AUTS2: variants seen among roughly 807,000 people sequenced by gnomAD.
The protein encoded by AUTS2 is autism susceptibility gene 2 protein.
Under a neutral mutation model 112.4 loss-of-function variants are expected in AUTS2, and 17 were observed. That is an observed-to-expected ratio of 0.15 (90% confidence interval 0.10 to 0.23). AUTS2 has a LOEUF of 0.23. Among genes scored for constraint, AUTS2 ranks in the 10% least tolerant of loss-of-function variants. The pLI, the probability that AUTS2 is intolerant of heterozygous loss-of-function variation, is 1.00. For synonymous variants in AUTS2, 751 were observed against 702.7 expected (o/e 1.07, Z -1.09); for missense variants, 1,510 against 1,701.6 (o/e 0.89, Z 1.98).
chr7:70,660,082 C>T (rs1308492323), intron 5 of AUTS2, among the ~76,000 whole-genome samples: 1 of 151,728 alleles, frequency 6.6e-6, no homozygotes, highest in East Asian at 1.9e-4. Flanking sequence ...GAGGCTGAGG[C>T]AGGAGAATCA....
At chr7:70,178,353 G>A (rs1182857658) in intron 4 of AUTS2, among the ~76,000 whole-genome samples, 2 of 151,918 alleles carry the variant, frequency 1.3e-5, no homozygotes, top group East Asian at 1.9e-4. Context: ...GACACAGAGG[G>A]TTGGTTCTCT....
intron 1 of AUTS2, among the ~76,000 whole-genome samples, chr7:69,883,194 A>G (rs921012079): frequency 2.0e-5 from 3 of 151,940 alleles, no homozygotes; most frequent in African/African-American, 4.8e-5. Context: ...TGAAGCTTCT[A>G]TGGTGGGAAG....
At chr7:70,139,159 G>A (rs1806721210) in intron 4 of AUTS2, among the ~76,000 whole-genome samples, 1 of 152,064 alleles carries the variant, frequency 6.6e-6, no homozygotes, top group Admixed American at 6.6e-5. Context: ...TAGAGATGGG[G>A]CTCTACCGTG....
At chr7:70,192,911 C>A (rs528978279) in intron 4 of AUTS2, among the ~76,000 whole-genome samples, 1 of 152,222 alleles carries the variant, frequency 6.6e-6, no homozygotes, top group East Asian at 1.9e-4. Flanking sequence ...TATCTTACTT[C>A]TGTGTGAGTT....
At chr7:69,646,073 T>C (rs1294354006) in intron 1 of AUTS2, among the ~76,000 whole-genome samples, 4 of 151,812 alleles carry the variant, frequency 2.6e-5, no homozygotes, top group African/African-American at 7.3e-5. Context: ...GTATGTTGTT[T>C]ATACTGTTGT....
intron 2 of AUTS2, among the ~76,000 whole-genome samples, chr7:69,914,471 T>G (rs1795492455): frequency 6.6e-6 from 1 of 151,446 alleles, no homozygotes; most frequent in Non-Finnish European, 1.5e-5. Flanking sequence ...AAGATACTGA[T>G]GAGCGCATGC....
chr7:69,863,092 C>G (rs1793065750), intron 1 of AUTS2, among the ~76,000 whole-genome samples: 1 of 152,062 alleles, frequency 6.6e-6, no homozygotes, highest in Non-Finnish European at 1.5e-5. Flanking sequence ...ATAGGGTGTA[C>G]ATTCTTACAT....
Position 69,876,520 on chromosome 7 carries a change from A to G in AUTS2, c.310-22766A>G, listed in dbSNP as rs1428576504. Among the ~76,000 whole-genome samples the G allele has an allele frequency of 2.6e-3, 152 of 57,388 alleles. 12 individuals are homozygous for G. Among genetic ancestry groups the G allele is most frequent in the Non-Finnish European group, 2.8e-3 (89 of 32,030 alleles). The allele number at this position is 57,388 out of a possible 152,430, so 37.6% of individuals were successfully genotyped here. A position where few individuals can be genotyped will look rare whatever the true frequency, so the allele number is the denominator to read the frequency against. On this transcript the variant is annotated intron_variant, in intron 1 of 18. Coordinates refer to ENST00000342771, the MANE Select transcript of AUTS2 (RefSeq NM_015570.4). ...TATATATATATATATATATATATAT[A>G]TATATATATATATATATATATATAT...
intron 2 of AUTS2, among the ~76,000 whole-genome samples, chr7:70,109,788 C>G (rs1268945939): frequency 4.6e-5 from 7 of 152,096 alleles, no homozygotes; most frequent in Non-Finnish European, 1.5e-5. Flanking sequence ...CGGTCCCTGT[C>G]CCCCATCATG....
chr7:69,653,144 GA>G (rs1337666145), intron 1 of AUTS2, among the ~76,000 whole-genome samples: 1 of 152,144 alleles, frequency 6.6e-6, no homozygotes, highest in Non-Finnish European at 1.5e-5. Flanking sequence ...GTGGAGTGGG[GA>G]CTTCCTTCTT....
At chr7:70,712,013 CT>C (rs1470402912) in intron 6 of AUTS2, among the ~76,000 whole-genome samples, 1 of 127,714 alleles carries the variant, frequency 7.8e-6, no homozygotes, top group African/African-American at 2.9e-5. Context: ...CCCTCCACAT[CT>C]TTTCTTCTTT....
intron 5 of AUTS2, among the ~76,000 whole-genome samples, chr7:70,534,904 G>A (rs1284333527): frequency 6.6e-6 from 1 of 151,636 alleles, no homozygotes; most frequent in Non-Finnish European, 1.5e-5. Context: ...GTCACGAACT[G>A]GTGAAAAAAA....
At chr7:70,750,779 A>T (rs11973302) in intron 6 of AUTS2, among the ~76,000 whole-genome samples, 1 of 152,068 alleles carries the variant, frequency 6.6e-6, no homozygotes, top group African/African-American at 2.4e-5. Flanking sequence ...TGATTGTCCA[A>T]TGTGTGCCCC....
intron 1 of AUTS2, among the ~76,000 whole-genome samples, chr7:69,610,339 G>A (rs1017946726): frequency 3.9e-5 from 6 of 152,212 alleles, no homozygotes; most frequent in African/African-American, 1.2e-4. Context: ...TAAAATGCAG[G>A]CCTACCTCTA....
chr7:70,729,006 A>G, intron 6 of AUTS2: 1 of 352,876 alleles, frequency 2.8e-6, no homozygotes, highest in South Asian at 2.2e-5. Context: ...AGGGAAACCC[A>G]GGCACCACCT....
At chr7:69,951,185 A>G (rs973227226) in intron 2 of AUTS2, among the ~76,000 whole-genome samples, 5 of 152,120 alleles carry the variant, frequency 3.3e-5, no homozygotes, top group Non-Finnish European at 7.3e-5. Context: ...AGTTTTTATA[A>G]TTTGTCAACA....
intron 4 of AUTS2, among the ~76,000 whole-genome samples, chr7:70,142,238 TG>T (rs1413637018): frequency 6.6e-6 from 1 of 152,188 alleles, no homozygotes; most frequent in Non-Finnish European, 1.5e-5. Context: ...CCCCCATCTC[TG>T]GCCCCTCAGA....
intron 2 of AUTS2, among the ~76,000 whole-genome samples, chr7:69,996,966 C>CAAAAAAAAAAAAAAAAAAAAA (rs1798974779): frequency 2.4e-5 from 2 of 83,624 alleles, no homozygotes; most frequent in African/African-American, 5.2e-5. Context: ...AAAAAAAAAG[C>CAAAAAAAAAAAAAAAAAAAAA]AAACTCCAGG....
At chr7:70,340,659 A>G (rs1349062402) in intron 4 of AUTS2, among the ~76,000 whole-genome samples, 1 of 152,262 alleles carries the variant, frequency 6.6e-6, no homozygotes, top group Non-Finnish European at 1.5e-5. Context: ...CATCCTCAGT[A>G]CAAAGGTACT....
Sources: allele counts gnomAD v4.1 joint callset (sites outside exome capture counted in the v4.1 genomes callset), GRCh38; gene constraint gnomAD v4.1.1; transcripts MANE v1.5; gene names NCBI Gene and HGNC (gene_info 2026-07-23, HGNC 2026-07-21).